MPDZ: variants seen among roughly 807,000 people sequenced by gnomAD.
The protein encoded by MPDZ is multiple PDZ domain protein.
MPDZ carries 234 observed loss-of-function variants against 239.1 expected under a neutral mutation model. The observed-to-expected ratio is 0.98, with a 90% CI of 0.88 to 1.09. The LOEUF is 1.09. Ranked by LOEUF, MPDZ falls within the 50% of genes least tolerant of loss-of-function variation. MPDZ has a pLI of 0.00. For missense variants in MPDZ, 3,175 were observed against 2,510.0 expected, an observed-to-expected ratio of 1.26 and a Z score of -5.66; for synonymous variants, 1,048 against 881.3, an observed-to-expected ratio of 1.19 and a Z score of -3.35.
At chr9:13,185,481 C>G (rs1953966069) in intron 18 of MPDZ, among the ~76,000 whole-genome samples, 1 of 152,012 alleles carries the variant, frequency 6.6e-6, no homozygotes, top group Non-Finnish European at 1.5e-5. Flanking sequence ...TTTTTAGCAA[C>G]AGTGCACAAT....
At position 13,162,697 on chromosome 9, in the gene MPDZ, G is replaced by C. The variant is rs766590149; in HGVS notation, c.3353C>G (p.Thr1118Ser). ...GATTTAATGTTTCACTTACCTGCCA[G>C]TGTATGAAGAAAAAATATCCAGTGC... ...VMALDIFSSY[T>S]GRDIPELPER... Residue 1118 changes from threonine (T) to serine (S), a missense_variant, in exon 23 of 47, where the codon ACT (threonine) becomes AGT (serine). Thr to Ser is a moderately conservative substitution (Grantham distance 58, BLOSUM62 1). Transcript: ENST00000319217. The C allele has an allele frequency of 9.4e-6, 15 of 1,601,494 alleles. No individual in the cohort carries two copies. The highest frequency in any genetic ancestry group is 8.5e-6 in the Non-Finnish European group (10 of 1,170,544).
At position 13,126,575 on chromosome 9, in the gene MPDZ, C is replaced by A; in HGVS notation, c.4573G>T (p.Val1525Phe). ...GVAATDGRLK[V>F]GDQILAVDDE... is the part of the protein sequence containing the mutation. ...TCTACAGCCAGTATCTGATCTCCGA[C>A]TTTGAGTCGTCCATCCTAAATGGAA... is the stretch of plus-strand genomic sequence containing the variant. The change falls in exon 34 of 47, where the codon GTC becomes TTC. Residue 1525 changes from valine to phenylalanine, a missense_variant. Coordinates refer to ENST00000319217, the MANE Select transcript of MPDZ (RefSeq NM_001378778.1). 6.3e-7 allele frequency: 1 copy of A among 1,597,844 alleles called. No homozygotes were observed. The highest frequency in any genetic ancestry group is 8.5e-7 in the Non-Finnish European group (1 of 1,171,316).
intron 32 of MPDZ, among the ~76,000 whole-genome samples, chr9:13,133,398 A>G (rs1033030554): frequency 7.2e-5 from 11 of 152,234 alleles, no homozygotes; most frequent in Admixed American, 2.6e-4. Context: ...ATCGGAGCCG[A>G]AAGTTCACTT....
At chr9:13,141,568 T>C (rs1947689027) in intron 27 of MPDZ, among the ~76,000 whole-genome samples, 1 of 152,174 alleles carries the variant, frequency 6.6e-6, no homozygotes, top group African/African-American at 2.4e-5. Context: ...AATGTTTTAT[T>C]ATATATGTTT....
Position 13,125,378 on chromosome 9 carries a change from G to GA in MPDZ, c.4644dup (p.Leu1549SerfsTer15). ...TTTACTGTCATCTTTGCTGTCTTCAGAAGGCTAATAAACTGGCAGGGTGTA... is the reference window on the plus strand; with the variant it reads ...TTTACTGTCATCTTTGCTGTCTTCAGAAAGGCTAATAAACTGGCAGGGTGTA... On this transcript the variant is annotated frameshift_variant, in exon 35 of 47. Transcript: ENST00000319217. LOFTEE classifies it high-confidence loss of function. 1 of 1,613,552 alleles carries GA rather than the reference G, an allele frequency of 6.2e-7. No homozygotes were observed. Among genetic ancestry groups the GA allele is most frequent in the Non-Finnish European group, 8.5e-7 (1 of 1,179,548 alleles).
intron 24 of MPDZ, among the ~76,000 whole-genome samples, chr9:13,151,077 A>T (rs1362921750): frequency 6.6e-6 from 1 of 152,056 alleles, no homozygotes; most frequent in Non-Finnish European, 1.5e-5. Flanking sequence ...TATTATGGAA[A>T]TACAAATCAA....
In MPDZ at chr9:13,112,015, A is replaced by G; in HGVS notation, c.5724+9T>C. The G allele has an allele frequency of 6.2e-7, 1 of 1,613,186 alleles. No individual in the cohort carries two copies. Among genetic ancestry groups the G allele is most frequent in the Non-Finnish European group, 8.5e-7 (1 of 1,179,354 alleles). On this transcript the variant is annotated intron_variant, in intron 43 of 46. Coordinates refer to ENST00000319217, the MANE Select transcript of MPDZ (RefSeq NM_001378778.1). Reference sequence around the variant, plus strand: ...TGCTAGGGCTTCTAGGGTTGATAGTACGACTCACTCTGAGTTTTTGGGTCT... The same window carrying G: ...TGCTAGGGCTTCTAGGGTTGATAGTGCGACTCACTCTGAGTTTTTGGGTCT...
In MPDZ at chr9:13,139,161, C is replaced by T. The variant is rs80350170; in HGVS notation, c.4003+826G>A. 7.1e-3 allele frequency among the ~76,000 whole-genome samples: 1,087 copies of T among 152,286 alleles called. 13 individuals are homozygous for T. Among genetic ancestry groups the T allele is most frequent in the African/African-American group, 0.025 (1,041 of 41,568 alleles). ...ATTCTACATTGATTCTTAACTGCAT[C>T]AATTTCATAAACTATTTCCTGACTC... On this transcript the variant is annotated intron_variant, in intron 28 of 46. Transcript: ENST00000319217.
chr9:13,149,061 G>C (rs1340423767), intron 25 of MPDZ, among the ~76,000 whole-genome samples: 1 of 151,710 alleles, frequency 6.6e-6, no homozygotes, highest in Non-Finnish European at 1.5e-5. Context: ...ACTTCTTAGT[G>C]ACAATCCAAA....
chr9:13,196,752 G>C (rs1955704671), intron 12 of MPDZ, among the ~76,000 whole-genome samples: 1 of 151,598 alleles, frequency 6.6e-6, no homozygotes, highest in African/African-American at 2.4e-5. Context: ...CCTATTAATT[G>C]GTATCTCAAT....
rs2134852227 is a variant in MPDZ at position 13,188,859 on chromosome 9, A to C, written c.2289T>G (p.Ser763Arg). 6.2e-7 allele frequency: 1 copy of C among 1,613,562 alleles called. No homozygotes were observed. The highest frequency in any genetic ancestry group is 2.2e-5 in the East Asian group (1 of 44,850). ...FVNDVNLENSSLEEAVEALKG... is the reference protein window; with the variant it reads ...FVNDVNLENSRLEEAVEALKG... Reference sequence around the variant, plus strand: ...TCAGTGCTTCTACAGCTTCCTCAAGACTGCTGTTTTCCAAGTTAACATCGT... The same window carrying C: ...TCAGTGCTTCTACAGCTTCCTCAAGCCTGCTGTTTTCCAAGTTAACATCGT... Residue 763 changes from serine to arginine, a missense_variant, in exon 17 of 47, where the codon AGT becomes AGG. Transcript: ENST00000319217.
At chr9:13,228,623 C>G (rs1564082816) in intron 3 of MPDZ, among the ~76,000 whole-genome samples, 1 of 152,124 alleles carries the variant, frequency 6.6e-6, no homozygotes, top group Non-Finnish European at 1.5e-5. Flanking sequence ...ATACTTTTTA[C>G]TATGCCAACA....
chr9:13,233,558 T>C (rs1963142843), intron 3 of MPDZ, among the ~76,000 whole-genome samples: 2 of 152,100 alleles, frequency 1.3e-5, no homozygotes, highest in Non-Finnish European at 2.9e-5. Context: ...ATTTTCCATA[T>C]CTTGATTTCG....
chr9:13,253,435 T>TC (rs1334997198), intron 1 of MPDZ, among the ~76,000 whole-genome samples: 2 of 152,190 alleles, frequency 1.3e-5, no homozygotes, highest in African/African-American at 4.8e-5. Context: ...TGCCTGATAC[T>TC]CCTGTACTGA....
intron 39 of MPDZ, among the ~76,000 whole-genome samples, 163 bp from the exon 40 acceptor site, chr9:13,115,497 T>C (rs1943257383): frequency 1.3e-5 from 2 of 152,150 alleles, no homozygotes; most frequent in African/African-American, 4.8e-5. Context: ...AATGGCTTTT[T>C]ATAAAACATT....
At chr9:13,112,972 A>C (rs764519893) in intron 42 of MPDZ, 39 bp downstream of exon 42, 2 of 1,543,176 alleles carry the variant, frequency 1.3e-6, no homozygotes, top group Non-Finnish European at 1.8e-6. Flanking sequence ...ATGTCTCTTA[A>C]AACGCCAGGG....
intron 24 of MPDZ, among the ~76,000 whole-genome samples, chr9:13,151,571 T>G (rs1430864596): frequency 6.6e-6 from 1 of 152,108 alleles, no homozygotes; most frequent in African/African-American, 2.4e-5. Context: ...TTCACTCATA[T>G]AAAGTACCTA....
chr9:13,243,907 C>G (rs940607682), intron 3 of MPDZ, among the ~76,000 whole-genome samples: 2 of 152,152 alleles, frequency 1.3e-5, no homozygotes, highest in African/African-American at 4.8e-5. Context: ...AGGTCACTGA[C>G]GAGGAGAGAC....
chr9:13,196,701 A>T (rs1955697686), intron 12 of MPDZ, among the ~76,000 whole-genome samples: 1 of 152,088 alleles, frequency 6.6e-6, no homozygotes, highest in African/African-American at 2.4e-5. Flanking sequence ...AGAAAATATA[A>T]AGAAATAATA....
Sources: gnomAD v4.1 joint callset for allele counts (sites outside exome capture counted in the v4.1 genomes callset) on GRCh38, gnomAD v4.1.1 for gene constraint, MANE v1.5 for transcripts, NCBI Gene and HGNC (gene_info 2026-07-23, HGNC 2026-07-21) for gene names.